Variants in NUAK1 observed in about 807,000 individuals in gnomAD.
NUAK1 encodes NUAK family SNF1-like kinase 1.
NUAK1 carries 26 observed loss-of-function variants against 56.9 expected under a neutral mutation model. The ratio of observed to expected loss-of-function variants is 0.46; its 90% confidence interval spans 0.33 to 0.63. The LOEUF is 0.63. Ranked by LOEUF, NUAK1 falls within the 30% of genes least tolerant of loss-of-function variation. NUAK1 has a pLI of 0.02. For missense variants in NUAK1, 727 were observed against 876.1 expected, an observed-to-expected ratio of 0.83 and a Z score of 2.15; for synonymous variants, 337 against 336.0, an observed-to-expected ratio of 1.00 and a Z score of -0.03.
At chr12:106,113,030 A>C (rs1459262584) in intron 1 of NUAK1, among the ~76,000 whole-genome samples, 1 of 152,206 alleles carries the variant, frequency 6.6e-6, no homozygotes, top group African/African-American at 2.4e-5. Context: ...AACAAAGCAG[A>C]TTCGTGCTTG....
chr12:106,111,710 G>C (rs1211326234), intron 1 of NUAK1, among the ~76,000 whole-genome samples: 1 of 152,128 alleles, frequency 6.6e-6, no homozygotes. Context: ...CCAGGTCTTA[G>C]TGCTTCGTCT....
At chr12:106,093,478 C>T (rs2032657330) in intron 2 of NUAK1, among the ~76,000 whole-genome samples, 1 of 152,224 alleles carries the variant, frequency 6.6e-6, no homozygotes, top group Admixed American at 6.5e-5. Context: ...TTTTCACAAC[C>T]AGGCTAATGA....
chr12:106,075,050 G>A (rs575811612), intron 4 of NUAK1, among the ~76,000 whole-genome samples: 3 of 152,066 alleles, frequency 2.0e-5, no homozygotes, highest in Non-Finnish European at 4.4e-5. Flanking sequence ...CGTGTGAGAG[G>A]CACCCGCTGC....
At chr12:106,093,069 A>C (rs898663554) in intron 2 of NUAK1, among the ~76,000 whole-genome samples, 1 of 152,228 alleles carries the variant, frequency 6.6e-6, no homozygotes, top group Non-Finnish European at 1.5e-5. Flanking sequence ...GTACTTAAAA[A>C]ATAATTCAAG....
chr12:106,089,247 A>G (rs1477977347), intron 2 of NUAK1, among the ~76,000 whole-genome samples: 1 of 152,226 alleles, frequency 6.6e-6, no homozygotes. Flanking sequence ...AAGAAGACTC[A>G]CACCCCAAAG....
At chr12:106,120,124 T>C (rs2032959213) in intron 1 of NUAK1, among the ~76,000 whole-genome samples, 1 of 152,144 alleles carries the variant, frequency 6.6e-6, no homozygotes, top group Non-Finnish European at 1.5e-5. Context: ...ACTCTCTGCT[T>C]TTCCCACACC....
At chr12:106,078,261 T>A (rs1040083328) in intron 4 of NUAK1, among the ~76,000 whole-genome samples, 2 of 152,242 alleles carry the variant, frequency 1.3e-5, no homozygotes, top group African/African-American at 4.8e-5. Flanking sequence ...GCAGCATTGC[T>A]ATATGCCAGG....
At chr12:106,094,088 C>T (rs983181071) in intron 2 of NUAK1, among the ~76,000 whole-genome samples, 12 of 152,002 alleles carry the variant, frequency 7.9e-5, no homozygotes, top group South Asian at 6.2e-4. Flanking sequence ...GGATTACAGG[C>T]GTGAGCCTCT....
intron 2 of NUAK1, among the ~76,000 whole-genome samples, chr12:106,095,536 G>A (rs757503486): frequency 1.3e-5 from 2 of 152,196 alleles, no homozygotes; most frequent in Non-Finnish European, 2.9e-5. Context: ...CTCTTCCTCT[G>A]CTAAAATGAA....
intron 1 of NUAK1, among the ~76,000 whole-genome samples, chr12:106,137,614 G>A (rs2033141769): frequency 6.6e-6 from 1 of 152,244 alleles, no homozygotes; most frequent in African/African-American, 2.4e-5. Flanking sequence ...ACTCCTTGGA[G>A]CTGTGCAAAT....
chr12:106,073,899 GT>G (rs1385884153), intron 4 of NUAK1, among the ~76,000 whole-genome samples: 1 of 151,894 alleles, frequency 6.6e-6, no homozygotes, highest in Non-Finnish European at 1.5e-5. Context: ...ATCTAGCCTT[GT>G]TTTCATTGTA....
Position 106,074,462 on chromosome 12 carries a change from T to A in NUAK1, c.580-1619A>T, listed in dbSNP as rs1273743944. ...AAACTCATTTAACAGATGAGGAAAT[T>A]GAGGTTTAAGGAGTTTGAGGTTACT... On this transcript the variant is annotated intron_variant, in intron 4 of 6. Coordinates refer to ENST00000261402, the MANE Select transcript of NUAK1 (RefSeq NM_014840.3). Among the ~76,000 whole-genome samples the A allele has an allele frequency of 2.6e-5, 4 of 152,134 alleles. No homozygotes were observed. The South Asian group carries it at 8.3e-4, about 32-fold the overall frequency.
intron 1 of NUAK1, among the ~76,000 whole-genome samples, chr12:106,110,208 T>G (rs1442932830): frequency 6.6e-6 from 1 of 152,208 alleles, no homozygotes; most frequent in African/African-American, 2.4e-5. Context: ...ACCATTCAGC[T>G]GAACAGGGCA....
intron 2 of NUAK1, among the ~76,000 whole-genome samples, chr12:106,095,937 A>G (rs1317978033): frequency 1.3e-5 from 2 of 152,122 alleles, no homozygotes; most frequent in Non-Finnish European, 2.9e-5. Flanking sequence ...GGGGAGCACA[A>G]TCAAAAAAAT....
chr12:106,126,606 A>T (rs1290423685), intron 1 of NUAK1, among the ~76,000 whole-genome samples: 1 of 152,214 alleles, frequency 6.6e-6, no homozygotes, highest in South Asian at 2.1e-4. Context: ...TGCTCAGTAA[A>T]GGTTAGCTTT....
At chr12:106,133,771 A>G (rs1003622752) in intron 1 of NUAK1, among the ~76,000 whole-genome samples, 3 of 152,246 alleles carry the variant, frequency 2.0e-5, no homozygotes, top group African/African-American at 7.2e-5. Context: ...CTAAGCTTCA[A>G]TGAACTGTTG....
chr12:106,094,736 T>G (rs1432468932), intron 2 of NUAK1, among the ~76,000 whole-genome samples: 1 of 152,172 alleles, frequency 6.6e-6, no homozygotes, highest in East Asian at 1.9e-4. Context: ...CTGCCAGAAG[T>G]GGACTCCACG....
chr12:106,115,230 G>A (rs1418128368), intron 1 of NUAK1, among the ~76,000 whole-genome samples: 2 of 152,124 alleles, frequency 1.3e-5, no homozygotes, highest in Non-Finnish European at 2.9e-5. Flanking sequence ...TGATCCAGGT[G>A]AGCAGAACCA....
chr12:106,066,617 T>C lies in NUAK1; in HGVS notation c.*185A>G. ...AATTCTGACTGACAATTGACAGAAC[T>C]GGCAGAAGAGCCCACCTCTCCCTTT... On this transcript the variant is annotated 3_prime_UTR_variant, in exon 7 of 7. Coordinates refer to ENST00000261402, the MANE Select transcript of NUAK1 (RefSeq NM_014840.3). 1 of 633,168 alleles carries C rather than the reference T, an allele frequency of 1.6e-6. No homozygotes were observed. The highest frequency in any genetic ancestry group is 2.6e-5 in the East Asian group (1 of 37,778). The allele number at this position is 633,168 out of a possible 1,614,324, so 39.2% of individuals were successfully genotyped here. A position where few individuals can be genotyped will look rare whatever the true frequency, so the allele number is the denominator to read the frequency against.
Sources: gnomAD v4.1 joint callset for allele counts (sites outside exome capture counted in the v4.1 genomes callset) on GRCh38, gnomAD v4.1.1 for gene constraint, MANE v1.5 for transcripts, NCBI Gene and HGNC (gene_info 2026-07-23, HGNC 2026-07-21) for gene names.